SLCO1A2: variants seen among roughly 807,000 people sequenced by gnomAD.
The protein encoded by SLCO1A2 is solute carrier organic anion transporter family member 1A2, also known as OATP-1.
Under a neutral mutation model 69.0 loss-of-function variants are expected in SLCO1A2, and 67 were observed. The ratio of observed to expected loss-of-function variants is 0.97; its 90% confidence interval spans 0.80 to 1.19. The LOEUF (loss-of-function observed/expected upper bound fraction) is 1.19. Ranked by LOEUF, SLCO1A2 falls within the 50% of genes most tolerant of loss-of-function variation. The probability of loss-of-function intolerance (pLI) is 0.00; values close to 1 mark genes in which losing one functional copy is unlikely to be tolerated. For missense variants in SLCO1A2, 787 were observed against 793.7 expected (o/e 0.99, Z 0.10); for synonymous variants, 260 against 265.9 (o/e 0.98, Z 0.22).
chr12:21,386,404 C>T (rs1042706940), intron 1 of SLCO1A2, among the ~76,000 whole-genome samples: 1 of 152,162 alleles, frequency 6.6e-6, no homozygotes, highest in Non-Finnish European at 1.5e-5. Flanking sequence ...TGAATTGTCA[C>T]TCCCATAACC....
At chr12:21,282,975 A>C (rs1945085322) in intron 12 of SLCO1A2, among the ~76,000 whole-genome samples, 1 of 152,170 alleles carries the variant, frequency 6.6e-6, no homozygotes, top group African/African-American at 2.4e-5. Flanking sequence ...TGAAAGAAAC[A>C]ATATTGCTAA....
intron 12 of SLCO1A2, among the ~76,000 whole-genome samples, chr12:21,285,995 G>C (rs1174502255): frequency 1.3e-5 from 2 of 152,152 alleles, no homozygotes; most frequent in Admixed American, 1.3e-4. Flanking sequence ...TATAGTGTCG[G>C]AAGTTCTGGC....
upstream of SLCO1A2, among the ~76,000 whole-genome samples, chr12:21,396,212 C>A (rs1941451799): frequency 6.7e-6 from 1 of 150,130 alleles, no homozygotes; most frequent in Non-Finnish European, 1.5e-5. Context: ...GGCTCGAGAA[C>A]TACGTGAAGA....
At chr12:21,281,585 A>C (rs1944809289) in intron 12 of SLCO1A2, among the ~76,000 whole-genome samples, 1 of 152,150 alleles carries the variant, frequency 6.6e-6, no homozygotes, top group Admixed American at 6.6e-5. Context: ...TGAAATGAAG[A>C]AAACAATACA....
At chr12:21,358,086 AG>A (rs1938517218) in intron 2 of SLCO1A2, among the ~76,000 whole-genome samples, 2 of 152,138 alleles carry the variant, frequency 1.3e-5, no homozygotes, top group South Asian at 4.1e-4. Flanking sequence ...TGGTAAAAGG[AG>A]ATATGAAAAG....
At chr12:21,309,710 G>A (rs1024432948) in intron 4 of SLCO1A2, among the ~76,000 whole-genome samples, 3 of 152,086 alleles carry the variant, frequency 2.0e-5, no homozygotes, top group Admixed American at 6.6e-5. Context: ...AACAAGTGAA[G>A]AGGAAAGAGG....
chr12:21,372,955 C>A (rs962254196), intron 2 of SLCO1A2: 1 of 236,304 alleles, frequency 4.2e-6, no homozygotes, highest in Non-Finnish European at 8.3e-6. Context: ...TTGAAGCTTT[C>A]TTTCTATCAG....
At chr12:21,336,365 G>A (rs978833728), upstream of SLCO1A2, among the ~76,000 whole-genome samples, 1 of 151,962 alleles carries the variant, frequency 6.6e-6, no homozygotes, top group African/African-American at 2.4e-5. Context: ...ATTCTATATA[G>A]TTCCCTCCAT....
chr12:21,417,753 A>G (rs1225932507), intron 1 of SLCO1A2: 1 of 152,170 alleles, frequency 6.6e-6, no homozygotes, highest in East Asian at 1.9e-4. Flanking sequence ...TAAATCACGA[A>G]GTTTCCTAAA....
intron 12 of SLCO1A2, among the ~76,000 whole-genome samples, chr12:21,277,214 AG>A (rs1420023667): frequency 6.6e-6 from 1 of 150,780 alleles, no homozygotes; most frequent in Non-Finnish European, 1.5e-5. Flanking sequence ...CAGCCACAGT[AG>A]GATAGGGCAC....
At chr12:21,311,085 A>C (rs2136621145) in intron 4 of SLCO1A2, among the ~76,000 whole-genome samples, 1 of 152,340 alleles carries the variant, frequency 6.6e-6, no homozygotes, top group Non-Finnish European at 1.5e-5. Context: ...ACAGGAAGCC[A>C]CATTATTTGC....
At chr12:21,403,406 GA>G (rs1030488468) in intron 1 of SLCO1A2, 1 of 152,024 alleles carries the variant, frequency 6.6e-6, no homozygotes, top group African/African-American at 2.4e-5. Context: ...CCAAATAAAT[GA>G]AGGACTTTTA....
rs1942034264 is a variant in SLCO1A2 at position 21,266,039 on chromosome 12, C to T, written c.*3509G>A. On this transcript the variant is annotated 3_prime_UTR_variant, in exon 15 of 15. Transcript: ENST00000683939. Reference sequence around the variant, plus strand: ...TTATGCCAGGAGAAGTGGGATAGTACCCTTTTTGGAAGGGCTACAAAGCCA... The same window carrying T: ...TTATGCCAGGAGAAGTGGGATAGTATCCTTTTTGGAAGGGCTACAAAGCCA... The T allele has an allele frequency of 6.6e-6, 1 of 152,018 alleles. No individual in the cohort carries two copies. The highest frequency in any genetic ancestry group is 2.1e-4 in the South Asian group (1 of 4,824). 9.4% of individuals were successfully genotyped at this position (152,018 alleles called of 1,614,324 possible).
chr12:21,361,739 G>A (rs117413714), intron 2 of SLCO1A2, among the ~76,000 whole-genome samples: 2,574 of 152,254 alleles, frequency 0.017, 34 homozygotes, highest in Non-Finnish European at 0.024. Flanking sequence ...CAAGGACTAC[G>A]TGACGCATGT....
intron 8 of SLCO1A2, among the ~76,000 whole-genome samples, chr12:21,299,928 C>T (rs1421963537): frequency 1.4e-5 from 2 of 139,058 alleles, no homozygotes; most frequent in Non-Finnish European, 3.0e-5. Context: ...ATATACATGA[C>T]CCTCTCTCTC....
At chr12:21,284,683 G>C (rs775841944) in intron 12 of SLCO1A2, among the ~76,000 whole-genome samples, 11 of 123,314 alleles carry the variant, frequency 8.9e-5, no homozygotes, top group South Asian at 2.8e-4. Context: ...AATCAAACTA[G>C]AACTCAGGAT....
upstream of SLCO1A2, among the ~76,000 whole-genome samples, chr12:21,395,740 G>T (rs567765134): frequency 1.3e-3 from 197 of 152,164 alleles, no homozygotes; most frequent in African/African-American, 4.2e-3. Flanking sequence ...GCCTAACTGG[G>T]AGGCACCCCC....
At chr12:21,398,666 G>A (rs368110015), upstream of SLCO1A2, among the ~76,000 whole-genome samples, 1 of 150,994 alleles carries the variant, frequency 6.6e-6, no homozygotes, top group Non-Finnish European at 1.5e-5. Context: ...ACATCAAAAA[G>A]CTTATCCACC....
chr12:21,369,008 G>T (rs1939594017), intron 2 of SLCO1A2, among the ~76,000 whole-genome samples: 1 of 152,102 alleles, frequency 6.6e-6, no homozygotes, highest in South Asian at 2.1e-4. Flanking sequence ...ACCTAAAATA[G>T]TTAAAACTGT....
Sources: allele counts gnomAD v4.1 joint callset (sites outside exome capture counted in the v4.1 genomes callset), GRCh38; gene constraint gnomAD v4.1.1; transcripts MANE v1.5; gene names NCBI Gene and HGNC (gene_info 2026-07-23, HGNC 2026-07-21).